The following LRRC4C variants were observed in gnomAD, a reference collection of about 807,000 sequenced individuals.
LRRC4C encodes the protein leucine rich repeat containing 4C, also known as leucine-rich repeat-containing protein 4C.
Under a neutral mutation model 33.6 loss-of-function variants are expected in LRRC4C, and 5 were observed. The observed-to-expected ratio is 0.15, with a 90% CI of 0.08 to 0.31. The LOEUF is 0.31. Ranked by LOEUF, LRRC4C falls within the 10% of genes least tolerant of loss-of-function variation. The pLI is 1.00. For missense variants in LRRC4C, 560 were observed against 796.7 expected (o/e 0.70, Z 3.58); for synonymous variants, 329 against 302.0 (o/e 1.09, Z -0.93).
intron 1 of LRRC4C, among the ~76,000 whole-genome samples, chr11:41,173,651 A>T (rs1202724047): frequency 6.6e-6 from 1 of 152,106 alleles, no homozygotes; most frequent in African/African-American, 2.4e-5. Context: ...CTCAAGACAG[A>T]ATTCATGTCT....
rs1555147354 is a variant in LRRC4C at position 41,325,577 on chromosome 11, T to TGTGTG, written c.-496+133853_-496+133854insCACAC. Among the ~76,000 whole-genome samples, 723 of 104,124 alleles carry TGTGTG rather than the reference T, an allele frequency of 6.9e-3. 12 individuals are homozygous for TGTGTG. Among genetic ancestry groups the TGTGTG allele is most frequent in the African/African-American group, 0.022 (651 of 29,250 alleles). 68.3% of individuals were successfully genotyped at this position (104,124 alleles called of 152,430 possible). A position where few individuals can be genotyped will look rare whatever the true frequency, so the allele number is the denominator to read the frequency against. On this transcript the variant is annotated intron_variant, in intron 1 of 6. Coordinates refer to ENST00000528697, the MANE Select transcript of LRRC4C (RefSeq NM_001258419.2). ...TTATTGTCCTTATAGTTTTTTTTTT[T>TGTGTG]TGTGTGTGTGTGTGTGTGTGTGTGT... is the stretch of plus-strand genomic sequence containing the variant.
chr11:41,262,184 A>G (rs1256251807), intron 1 of LRRC4C, among the ~76,000 whole-genome samples: 1 of 152,068 alleles, frequency 6.6e-6, no homozygotes, highest in African/African-American at 2.4e-5. Context: ...CCAAATTTCA[A>G]TGGCCAGATT....
chr11:40,190,459 A>T (rs1466246588), intron 5 of LRRC4C, among the ~76,000 whole-genome samples: 2 of 152,220 alleles, frequency 1.3e-5, no homozygotes, highest in Non-Finnish European at 2.9e-5. Flanking sequence ...TTATGTCCTC[A>T]TGCCATCACC....
chr11:41,144,968 A>C (rs961214737), intron 1 of LRRC4C, among the ~76,000 whole-genome samples: 2 of 152,300 alleles, frequency 1.3e-5, no homozygotes, highest in Admixed American at 1.3e-4. Context: ...TGTTGTTTGC[A>C]AAGTGAGCAA....
intron 4 of LRRC4C, among the ~76,000 whole-genome samples, chr11:40,295,613 T>C (rs1944471465): frequency 6.6e-6 from 1 of 152,208 alleles, no homozygotes. Flanking sequence ...TTAAAAAAAT[T>C]TCATCTGTAA....
At chr11:40,713,903 A>G (rs1035183822) in intron 2 of LRRC4C, among the ~76,000 whole-genome samples, 3 of 152,214 alleles carry the variant, frequency 2.0e-5, no homozygotes, top group Admixed American at 2.0e-4. Flanking sequence ...CCATCGCTAT[A>G]GAAGAGGGAT....
At chr11:40,587,262 T>G (rs1385700058) in intron 3 of LRRC4C, among the ~76,000 whole-genome samples, 2 of 146,776 alleles carry the variant, frequency 1.4e-5, no homozygotes, top group African/African-American at 2.5e-5. Flanking sequence ...TCACTCATGA[T>G]TTGGCTCTCT....
At chr11:41,370,156 G>T (rs1482004581) in intron 1 of LRRC4C, among the ~76,000 whole-genome samples, 1 of 152,092 alleles carries the variant, frequency 6.6e-6, no homozygotes, top group Non-Finnish European at 1.5e-5. Flanking sequence ...AAGTAAGACT[G>T]TCTGGATAAC....
intron 3 of LRRC4C, among the ~76,000 whole-genome samples, chr11:40,630,271 T>C (rs531930898): frequency 6.6e-6 from 1 of 152,164 alleles, no homozygotes; most frequent in African/African-American, 2.4e-5. Flanking sequence ...CCAGATATAG[T>C]TTAAAGATGC....
intron 3 of LRRC4C, among the ~76,000 whole-genome samples, chr11:40,612,918 T>C (rs72890730): frequency 0.065 from 9,892 of 151,988 alleles, 466 homozygotes; most frequent in South Asian, 0.14. Flanking sequence ...ATTTAGACTA[T>C]ATAGTAGTGT....
chr11:41,099,685 A>G (rs1206736684), intron 1 of LRRC4C, among the ~76,000 whole-genome samples: 1 of 152,186 alleles, frequency 6.6e-6, no homozygotes, highest in Non-Finnish European at 1.5e-5. Context: ...TTAAAGAAAC[A>G]TAACTCAAAA....
intron 2 of LRRC4C, among the ~76,000 whole-genome samples, chr11:40,701,434 C>T (rs966837867): frequency 9.9e-5 from 15 of 151,632 alleles, no homozygotes; most frequent in Admixed American, 9.2e-4. Context: ...TGCAGCACAT[C>T]CAGTGAAGGT....
intron 1 of LRRC4C, among the ~76,000 whole-genome samples, chr11:41,227,033 T>G (rs964772409): frequency 2.0e-5 from 3 of 151,954 alleles, no homozygotes; most frequent in Non-Finnish European, 2.9e-5. Context: ...GTGAAATTCA[T>G]CAATAACCTC....
intron 1 of LRRC4C, among the ~76,000 whole-genome samples, chr11:41,309,167 C>T (rs2137164695): frequency 6.6e-6 from 1 of 152,228 alleles, no homozygotes; most frequent in Admixed American, 6.5e-5. Flanking sequence ...ACAAGGTAGC[C>T]CCCTGTTGCT....
chr11:41,231,804 AATATATGTAGATATACAC>A (rs1189490280), intron 1 of LRRC4C, among the ~76,000 whole-genome samples: 1 of 151,862 alleles, frequency 6.6e-6, no homozygotes, highest in Non-Finnish European at 1.5e-5. Flanking sequence ...TATATATACA[AATATATGTAGATATACAC>A]ATATATGTAT....
chr11:41,278,090 A>G (rs1437017361), intron 1 of LRRC4C, among the ~76,000 whole-genome samples: 1 of 152,140 alleles, frequency 6.6e-6, no homozygotes, highest in Non-Finnish European at 1.5e-5. Context: ...TTACAGTTAG[A>G]TAGGAGTAAG....
chr11:40,456,655 T>A (rs1952145641), intron 3 of LRRC4C, among the ~76,000 whole-genome samples: 1 of 152,024 alleles, frequency 6.6e-6, no homozygotes, highest in Non-Finnish European at 1.5e-5. Flanking sequence ...GTCTTTAGAT[T>A]GAAAAAATTC....
At chr11:40,519,064 G>A (rs1955692432) in intron 3 of LRRC4C, among the ~76,000 whole-genome samples, 1 of 152,072 alleles carries the variant, frequency 6.6e-6, no homozygotes, top group Admixed American at 6.6e-5. Flanking sequence ...CACAGGGAGG[G>A]GAACATCACA....
At chr11:41,278,500 A>G (rs576004393) in intron 1 of LRRC4C, among the ~76,000 whole-genome samples, 4 of 152,226 alleles carry the variant, frequency 2.6e-5, no homozygotes, top group Non-Finnish European at 5.9e-5. Context: ...ATACAAATTC[A>G]TGTCAATTTA....
Sources: gnomAD v4.1 joint callset for allele counts (sites outside exome capture counted in the v4.1 genomes callset) on GRCh38, gnomAD v4.1.1 for gene constraint, MANE v1.5 for transcripts, NCBI Gene and HGNC (gene_info 2026-07-23, HGNC 2026-07-21) for gene names.